Variants in GIMAP8 observed in about 807,000 individuals in gnomAD.
The protein encoded by GIMAP8 is GTPase, IMAP family member 8, also known as GTPase IMAP family member 8.
Under a neutral mutation model 35.6 loss-of-function variants are expected in GIMAP8, and 29 were observed. That is an observed-to-expected ratio of 0.81 (90% confidence interval 0.61 to 1.11). The LOEUF is 1.11. GIMAP8 is among the 50% of genes most tolerant of loss of function. The pLI is 0.00. For missense variants in GIMAP8, 811 were observed against 805.0 expected (o/e 1.01, Z -0.09); for synonymous variants, 335 against 308.7 (o/e 1.09, Z -0.89).
In GIMAP8 at chr7:150,477,490, C is replaced by T. The variant is rs755463565; in HGVS notation, c.1708C>T (p.Leu570=). 7 of 1,614,040 alleles carry T rather than the reference C, an allele frequency of 4.3e-6. No homozygotes were observed. In the South Asian group the frequency reaches 5.5e-5, roughly 13 times the overall value. ...AIMLFTRKED[L]GAGNLEDFMK... ...TATGCTGTTCACCCGGAAGGAAGAC[C>T]TAGGGGCGGGGAATTTGGAAGACTT... Residue 570 remains leucine (L), a synonymous_variant, in exon 5 of 5, where the codon CTA becomes TTA. Coordinates refer to ENST00000307271, the MANE Select transcript of GIMAP8 (RefSeq NM_175571.4).
chr7:150,477,521 A>G lies in GIMAP8; in HGVS notation c.1739A>G (p.Lys580Arg), dbSNP rs769628724. ...GCGGGGAATTTGGAAGACTTCATGA[A>G]GAACTCAGATAACAAAGCCCTTCGG... ...LGAGNLEDFM[K>R]NSDNKALRRI... Residue 580 changes from lysine to arginine, a missense_variant, in exon 5 of 5, where the codon AAG becomes AGG. Physicochemically the swap from Lys to Arg is conservative, Grantham distance 26. Transcript: ENST00000307271. The G allele has an allele frequency of 3.7e-6, 6 of 1,614,254 alleles. No homozygotes were observed. Among genetic ancestry groups the G allele is most frequent in the Non-Finnish European group, 5.1e-6 (6 of 1,180,046 alleles).
intron 1 of GIMAP8, among the ~76,000 whole-genome samples, chr7:150,455,270 G>A (rs1331288380): frequency 6.6e-6 from 1 of 152,094 alleles, no homozygotes; most frequent in Admixed American, 6.6e-5. Context: ...CATTTCAACA[G>A]GACTTAAAGA....
In GIMAP8 at chr7:150,474,321, C is replaced by A. The variant is rs894845404; in HGVS notation, c.992C>A (p.Thr331Lys). The A allele has an allele frequency of 6.2e-7, 1 of 1,614,162 alleles. No individual in the cohort carries two copies. Among genetic ancestry groups the A allele is most frequent in the Non-Finnish European group, 8.5e-7 (1 of 1,179,988 alleles). ...GGCCCCCATGCCTTCCTGCTGGTGACACCACTGGGCTTTTACACTAAGAAT... is the reference window on the plus strand; with the variant it reads ...GGCCCCCATGCCTTCCTGCTGGTGAAACCACTGGGCTTTTACACTAAGAAT... ...CTGPHAFLLV[T>K]PLGFYTKNDE... Residue 331 changes from threonine (T) to lysine (K), a missense_variant, in exon 4 of 5, where the codon ACA becomes AAA. Coordinates refer to ENST00000307271, the MANE Select transcript of GIMAP8 (RefSeq NM_175571.4).
intron 1 of GIMAP8, among the ~76,000 whole-genome samples, chr7:150,461,981 T>C (rs1322306805): frequency 6.6e-6 from 1 of 152,216 alleles, no homozygotes; most frequent in Non-Finnish European, 1.5e-5. Flanking sequence ...GTGGTGGGAT[T>C]ATCATTAGTT....
chr7:150,458,952 C>T (rs1394113098), intron 1 of GIMAP8, among the ~76,000 whole-genome samples: 2 of 152,210 alleles, frequency 1.3e-5, no homozygotes, highest in African/African-American at 2.4e-5. Context: ...TAACTAGTCA[C>T]GTGGTCATAA....
intron 1 of GIMAP8, among the ~76,000 whole-genome samples, chr7:150,459,472 A>C (rs1480970348): frequency 6.6e-6 from 1 of 152,152 alleles, no homozygotes; most frequent in East Asian, 1.9e-4. Context: ...GGTCACTAGG[A>C]GTAATAGTGA....
Position 150,477,656 on chromosome 7 carries a change from G to GA in GIMAP8, c.1878dup (p.Glu627ArgfsTer19). The GA allele has an allele frequency of 2.5e-6, 4 of 1,614,224 alleles. No homozygotes were observed. The highest frequency in any genetic ancestry group is 3.4e-6 in the Non-Finnish European group (4 of 1,180,036). On this transcript the variant is annotated frameshift_variant, in exon 5 of 5. Transcript: ENST00000307271. LOFTEE classifies it low-confidence loss of function (END_TRUNC). ...CTTTTAACAAAGGTCAATGATCTGAGAAAAGAAAGTGGGTGGTCCGGGTAT... is the reference window on the plus strand; with the variant it reads ...CTTTTAACAAAGGTCAATGATCTGAGAAAAAGAAAGTGGGTGGTCCGGGTAT...
At chr7:150,463,905 G>C (rs1325297469) in intron 1 of GIMAP8, among the ~76,000 whole-genome samples, 1 of 152,132 alleles carries the variant, frequency 6.6e-6, no homozygotes, top group Non-Finnish European at 1.5e-5. Flanking sequence ...TTGGGCCCCT[G>C]GATGATATAT....
rs1421526172 is a variant in GIMAP8 at position 150,472,214 on chromosome 7, C to A, written c.682+1340C>A. Among the ~76,000 whole-genome samples, 1 of 152,106 alleles carries A rather than the reference C, an allele frequency of 6.6e-6. No homozygotes were observed. Among genetic ancestry groups the A allele is most frequent in the Non-Finnish European group, 1.5e-5 (1 of 68,030 alleles). On this transcript the variant is annotated intron_variant, in intron 3 of 4. Transcript: ENST00000307271. The surrounding 1 kb of genome is among the most constrained non-coding windows in gnomAD (Gnocchi z 4.1). The stretch of plus-strand genomic sequence containing the variant: ...AAGGACTTTTTATAGGATGTGGGCT[C>A]ATGTTAGGTGATTCTGAGGAAGGTT...
chr7:150,477,666 T>C lies in GIMAP8; in HGVS notation c.1884T>C (p.Ser628=). ...AGGTCAATGATCTGAGAAAAGAAAG[T>C]GGGTGGTCCGGGTATCCCCATACAC... ...LTKVNDLRKE[S]GWSGYPHTQE... Residue 628 remains serine, a synonymous_variant, in exon 5 of 5, where the codon AGT becomes AGC. Coordinates refer to ENST00000307271, the MANE Select transcript of GIMAP8 (RefSeq NM_175571.4). 6.2e-7 allele frequency: 1 copy of C among 1,614,172 alleles called. No individual in the cohort carries two copies. The highest frequency in any genetic ancestry group is 8.5e-7 in the Non-Finnish European group (1 of 1,180,024).
Position 150,454,086 on chromosome 7 carries a change from CA to C in GIMAP8, c.-29+2912del, listed in dbSNP as rs532360874. 3.1e-3 allele frequency among the ~76,000 whole-genome samples: 471 copies of C among 152,162 alleles called. 1 individual carries two copies. Among genetic ancestry groups the C allele is most frequent in the South Asian group, 0.01 (50 of 4,820 alleles). On this transcript the variant is annotated intron_variant, in intron 1 of 4. Transcript: ENST00000307271. ...CACATGTCTGCAAGGGACAATGCCC[CA>C]GTTCAGATGAACAGCAAGCATGTTT... is the stretch of plus-strand genomic sequence containing the variant.
chr7:150,462,210 G>A (rs1023022169), intron 1 of GIMAP8, among the ~76,000 whole-genome samples: 6 of 152,226 alleles, frequency 3.9e-5, no homozygotes, highest in African/African-American at 1.4e-4. Context: ...AATGTCATCA[G>A]TTAAGGCTAT....
rs147393052 is a variant in GIMAP8 at position 150,477,478 on chromosome 7, C to T, written c.1696C>T (p.Arg566Trp). The T allele has an allele frequency of 3.1e-6, 5 of 1,614,030 alleles. No individual in the cohort carries two copies. Among genetic ancestry groups the T allele is most frequent in the South Asian group, 2.2e-5 (2 of 91,084 alleles). ...GAAATACGCGATTATGCTGTTCACC[C>T]GGAAGGAAGACCTAGGGGCGGGGAA... ...FTKYAIMLFT[R>W]KEDLGAGNLE... The change falls in exon 5 of 5, where the codon CGG (arginine) becomes TGG (tryptophan). Residue 566 changes from arginine to tryptophan, a missense_variant. Physicochemically the swap from Arg to Trp is moderately radical, Grantham distance 101 (BLOSUM62 -3). Coordinates refer to ENST00000307271, the MANE Select transcript of GIMAP8 (RefSeq NM_175571.4).
rs79964431 is a variant in GIMAP8 at position 150,470,385 on chromosome 7, A to T, written c.637-444A>T. ...CTCCTTTCTTGATTCCACAACAATA[A>T]ATATTTTGGAACTAAGTATCAGGAT... On this transcript the variant is annotated intron_variant, in intron 2 of 4. Coordinates refer to ENST00000307271, the MANE Select transcript of GIMAP8 (RefSeq NM_175571.4). Among the ~76,000 whole-genome samples the T allele has an allele frequency of 2.3e-3, 347 of 152,286 alleles. 1 individual carries two copies. Among genetic ancestry groups the T allele is most frequent in the African/African-American group, 7.6e-3 (315 of 41,556 alleles).
chr7:150,466,842 GT>G lies in GIMAP8; in HGVS notation c.145del (p.Cys49AlafsTer8). On this transcript the variant is annotated frameshift_variant, in exon 2 of 5. Transcript: ENST00000307271. LOFTEE classifies it high-confidence loss of function. ...KFSDQTVIKM[C>X]QRESWVLRER... ...TCAGTGATCAGACAGTGATCAAAAT[GT>G]GCCAGAGAGAGAGTTGGGTCCTGAG... The G allele has an allele frequency of 1.2e-6, 2 of 1,614,258 alleles. No homozygotes were observed. The highest frequency in any genetic ancestry group is 1.7e-6 in the Non-Finnish European group (2 of 1,180,044).
At chr7:150,475,638 C>T (rs1311974974) in intron 4 of GIMAP8, among the ~76,000 whole-genome samples, 6 of 152,162 alleles carry the variant, frequency 3.9e-5, no homozygotes, top group African/African-American at 1.4e-4. Context: ...CTTACTCATC[C>T]CGTTTTTTTT....
chr7:150,476,460 T>C (rs1037839094), intron 4 of GIMAP8, among the ~76,000 whole-genome samples: 3 of 152,276 alleles, frequency 2.0e-5, no homozygotes, highest in African/African-American at 4.8e-5. Context: ...TATTCATTAT[T>C]ATAACCATGC....
chr7:150,477,451 A>C lies in GIMAP8; in HGVS notation c.1669A>C (p.Thr557Pro). 6.2e-7 allele frequency: 1 copy of C among 1,613,756 alleles called. No homozygotes were observed. The highest frequency in any genetic ancestry group is 2.2e-5 in the East Asian group (1 of 44,864). The change falls in exon 5 of 5, where the codon ACG (threonine) becomes CCG (proline). Residue 557 changes from threonine to proline, a missense_variant. Thr to Pro is a conservative substitution (Grantham distance 38). Coordinates refer to ENST00000307271, the MANE Select transcript of GIMAP8 (RefSeq NM_175571.4). ...KLEAIFGADF[T>P]KYAIMLFTRK... Reference sequence around the variant, plus strand: ...GGAGGCCATCTTTGGAGCAGACTTTACGAAATACGCGATTATGCTGTTCAC... The same window carrying C: ...GGAGGCCATCTTTGGAGCAGACTTTCCGAAATACGCGATTATGCTGTTCAC...
At chr7:150,452,988 A>G (rs937551145) in intron 1 of GIMAP8, among the ~76,000 whole-genome samples, 1 of 151,930 alleles carries the variant, frequency 6.6e-6, no homozygotes, top group Non-Finnish European at 1.5e-5. Context: ...CATATACTAC[A>G]TGCCAGGCAC....
Sources: gnomAD v4.1 joint callset for allele counts (sites outside exome capture counted in the v4.1 genomes callset) on GRCh38, gnomAD v4.1.1 for gene constraint, Gnocchi (gnomAD v3.1) non-coding constraint, MANE v1.5 for transcripts, NCBI Gene and HGNC (gene_info 2026-07-23, HGNC 2026-07-21) for gene names.